CHL1: variants seen among roughly 807,000 people sequenced by gnomAD.
CHL1 encodes cell adhesion molecule L1 like.
A neutral mutation model predicts 141.9 loss-of-function variants in CHL1; 96 were observed. The ratio of observed to expected loss-of-function variants is 0.68; its 90% CI spans 0.57 to 0.80. The LOEUF (loss-of-function observed/expected upper bound fraction) is 0.80. Among genes scored for constraint, CHL1 ranks in the 30% least tolerant of loss-of-function variants. The pLI, the probability that CHL1 is intolerant of heterozygous loss-of-function variation, is 0.00. For synonymous variants in CHL1, 613 were observed against 502.2 expected (o/e 1.22, Z -2.95); for missense variants, 1,820 against 1,457.2 (o/e 1.25, Z -4.05).
chr3:386,078 A>C (rs1707678257), intron 19 of CHL1, among the ~76,000 whole-genome samples: 1 of 152,068 alleles, frequency 6.6e-6, no homozygotes, highest in African/African-American at 2.4e-5. Context: ...ATCCTGCGGA[A>C]AGGAGTTAGA....
At chr3:340,648 C>CTGAA in intron 5 of CHL1, 146 bp from the exon 6 acceptor site, 1 of 652,262 alleles carries the variant, frequency 1.5e-6, no homozygotes, top group Non-Finnish European at 2.6e-6. Context: ...GTATTTAACT[C>CTGAA]TGAAGGGGAG....
intron 2 of CHL1, among the ~76,000 whole-genome samples, chr3:316,650 A>G (rs145854055): frequency 1.2e-4 from 18 of 152,124 alleles, no homozygotes; most frequent in African/African-American, 4.1e-4. Flanking sequence ...TATGACTGGA[A>G]TGTTTATAAC....
chr3:295,426 T>C (rs181858771), intron 2 of CHL1, among the ~76,000 whole-genome samples: 1 of 152,252 alleles, frequency 6.6e-6, no homozygotes, highest in Admixed American at 6.5e-5. Context: ...TTAACATGGA[T>C]AAGACTTAAA....
chr3:207,577 G>A (rs942327856), intron 1 of CHL1, among the ~76,000 whole-genome samples: 24 of 152,220 alleles, frequency 1.6e-4, no homozygotes, highest in African/African-American at 5.8e-4. Flanking sequence ...AAACATATAG[G>A]CAATAACAAT....
At chr3:281,378 G>T (rs2125296505) in intron 2 of CHL1, among the ~76,000 whole-genome samples, 1 of 152,176 alleles carries the variant, frequency 6.6e-6, no homozygotes, top group East Asian at 1.9e-4. Flanking sequence ...GCTATCCTCT[G>T]GTTCCTTATT....
At chr3:214,200 G>C (rs111537942) in intron 1 of CHL1, among the ~76,000 whole-genome samples, 28 of 152,132 alleles carry the variant, frequency 1.8e-4, no homozygotes, top group African/African-American at 6.5e-4. Context: ...GAAAAACAGA[G>C]CTCCTTCCTT....
chr3:360,806 T>C (rs1402554357), intron 12 of CHL1, among the ~76,000 whole-genome samples: 1 of 140,920 alleles, frequency 7.1e-6, no homozygotes, highest in Non-Finnish European at 1.5e-5. Flanking sequence ...GTGATCTCAT[T>C]GTTCAATTCC....
intron 2 of CHL1, among the ~76,000 whole-genome samples, chr3:263,782 G>A (rs17015853): frequency 0.053 from 8,066 of 152,124 alleles, 684 homozygotes; most frequent in African/African-American, 0.19. Flanking sequence ...CATCTATATT[G>A]GCCTAGGGAA....
intron 2 of CHL1, among the ~76,000 whole-genome samples, chr3:263,486 G>T (rs1694906005): frequency 6.6e-6 from 1 of 152,190 alleles, no homozygotes; most frequent in Non-Finnish European, 1.5e-5. Flanking sequence ...TAATGTGAGG[G>T]AAATGAAATG....
At chr3:326,940 C>A in intron 4 of CHL1, among the ~76,000 whole-genome samples, 1 of 151,102 alleles carries the variant, frequency 6.6e-6, no homozygotes, top group East Asian at 1.9e-4. Context: ...CTATGTTTAA[C>A]CAAATGGAAT....
chr3:327,470 A>G (rs945172676), intron 4 of CHL1, among the ~76,000 whole-genome samples: 11 of 152,026 alleles, frequency 7.2e-5, no homozygotes, highest in African/African-American at 2.7e-4. Context: ...AATACTATAA[A>G]AAGTTTTTAA....
At chr3:205,748 A>G (rs1425471323) in intron 1 of CHL1, among the ~76,000 whole-genome samples, 1 of 152,242 alleles carries the variant, frequency 6.6e-6, no homozygotes, top group Non-Finnish European at 1.5e-5. Flanking sequence ...TGCTAGAGAC[A>G]GGAATGAAAC....
chr3:396,806 G>T (rs1014442993), intron 24 of CHL1, among the ~76,000 whole-genome samples: 1 of 151,748 alleles, frequency 6.6e-6, no homozygotes, highest in South Asian at 2.1e-4. Flanking sequence ...TAAGTACAGG[G>T]AAAAAAATTA....
At chr3:261,795 G>A (rs1473206196) in intron 2 of CHL1, among the ~76,000 whole-genome samples, 1 of 152,054 alleles carries the variant, frequency 6.6e-6, no homozygotes, top group Admixed American at 6.5e-5. Flanking sequence ...TAATTGGGAA[G>A]TACAATTGTT....
At chr3:300,336 G>A (rs1340977626) in intron 2 of CHL1, among the ~76,000 whole-genome samples, 1 of 152,046 alleles carries the variant, frequency 6.6e-6, no homozygotes, top group African/African-American at 2.4e-5. Flanking sequence ...TGTTTGAGTT[G>A]GGGGTAGCTT....
At chr3:358,805 A>G (rs1045958195) in intron 11 of CHL1, among the ~76,000 whole-genome samples, 2 of 151,950 alleles carry the variant, frequency 1.3e-5, no homozygotes, top group African/African-American at 2.4e-5. Flanking sequence ...AAAGCTTAGT[A>G]TAGTCATTAT....
intron 2 of CHL1, among the ~76,000 whole-genome samples, chr3:314,490 A>G (rs529242027): frequency 2.0e-5 from 3 of 151,818 alleles, no homozygotes; most frequent in East Asian, 3.9e-4. Flanking sequence ...AACATTTATT[A>G]TTGTTCCTAA....
chr3:321,394 G>A (rs1700551764), intron 3 of CHL1, among the ~76,000 whole-genome samples: 1 of 151,976 alleles, frequency 6.6e-6, no homozygotes. Flanking sequence ...CAGCCTTTTT[G>A]TAGAAATTCT....
At chr3:218,670 G>C (rs192071031) in intron 1 of CHL1, among the ~76,000 whole-genome samples, 54 of 152,164 alleles carry the variant, frequency 3.5e-4, no homozygotes, top group Middle Eastern at 3.4e-3. Context: ...TCAAATCTAT[G>C]TGAAATGATA....
Sources: allele counts gnomAD v4.1 joint callset (sites outside exome capture counted in the v4.1 genomes callset), GRCh38; gene constraint gnomAD v4.1.1; transcripts MANE v1.5; gene names NCBI Gene and HGNC (gene_info 2026-07-23, HGNC 2026-07-21).